The following SLC35D4 variants were observed in gnomAD, a reference collection of about 807,000 sequenced individuals.
The protein encoded by SLC35D4 is solute carrier family 35 member D4.
the SLC35D4 span, among the ~76,000 whole-genome samples, chr18:23,242,835 C>T: frequency 1.3e-5 from 2 of 152,070 alleles, no homozygotes; most frequent in Non-Finnish European, 2.9e-5. Flanking sequence ...AGAAAGCCCT[C>T]CCTCTACCCC....
chr18:23,243,820 C>T, the SLC35D4 span, among the ~76,000 whole-genome samples: 28 of 149,440 alleles, frequency 1.9e-4, no homozygotes, highest in African/African-American at 6.4e-4. Context: ...TGCAGTGAGC[C>T]GAGATCACGC....
the SLC35D4 span, among the ~76,000 whole-genome samples, chr18:23,290,495 T>G: frequency 1.3e-5 from 2 of 152,318 alleles, no homozygotes; most frequent in South Asian, 4.1e-4. Context: ...CCAGACTATA[T>G]GCTAAGTGGG....
At chr18:23,281,542 G>A in the SLC35D4 span, among the ~76,000 whole-genome samples, 3 of 151,880 alleles carry the variant, frequency 2.0e-5, no homozygotes, top group African/African-American at 7.3e-5. Flanking sequence ...TTACCCAGAC[G>A]CCTTGAACTC....
At chr18:23,287,040 C>T in the SLC35D4 span, among the ~76,000 whole-genome samples, 1 of 151,338 alleles carries the variant, frequency 6.6e-6, no homozygotes, top group South Asian at 2.1e-4. Flanking sequence ...CGCTCAATAC[C>T]AATATCCCAT....
At chr18:23,301,971 A>C in the SLC35D4 span, among the ~76,000 whole-genome samples, 2 of 152,276 alleles carry the variant, frequency 1.3e-5, no homozygotes, top group African/African-American at 2.4e-5. Flanking sequence ...TTTTAATTAA[A>C]GACTTTAAAA....
chr18:23,436,741 C>G, the SLC35D4 span, among the ~76,000 whole-genome samples: 1 of 151,950 alleles, frequency 6.6e-6, no homozygotes, highest in Non-Finnish European at 1.5e-5. Context: ...TGCAGTGAGC[C>G]GAGATCACGT....
At chr18:23,263,933 T>C in the SLC35D4 span, among the ~76,000 whole-genome samples, 2 of 152,334 alleles carry the variant, frequency 1.3e-5, no homozygotes, top group South Asian at 4.1e-4. Flanking sequence ...CCATAGTCCT[T>C]AACTGCTGCT....
At chr18:23,257,357 A>G in the SLC35D4 span, 3 of 1,608,680 alleles carry the variant, frequency 1.9e-6, no homozygotes, top group Non-Finnish European at 2.5e-6. Context: ...CGGCTGGTCC[A>G]GAGTTCCTAG....
At chr18:23,293,002 G>A in the SLC35D4 span, among the ~76,000 whole-genome samples, 1 of 152,188 alleles carries the variant, frequency 6.6e-6, no homozygotes, top group East Asian at 1.9e-4. Flanking sequence ...CACTTTGGGA[G>A]GCCGAGGTGG....
At chr18:23,305,664 A>G in the SLC35D4 span, among the ~76,000 whole-genome samples, 6 of 152,242 alleles carry the variant, frequency 3.9e-5, no homozygotes, top group African/African-American at 1.4e-4. Context: ...AGGTGTAGGA[A>G]CATTTCCTAA....
chr18:23,414,433 G>C, the SLC35D4 span, among the ~76,000 whole-genome samples: 1 of 151,620 alleles, frequency 6.6e-6, no homozygotes, highest in African/African-American at 2.4e-5. Context: ...AGCACTTTGG[G>C]AGGCCTAGGC....
chr18:23,257,609 C>A, the SLC35D4 span: 1 of 417,666 alleles, frequency 2.4e-6, no homozygotes, highest in Admixed American at 4.4e-5. Flanking sequence ...AACAGAGAGG[C>A]CCTGCCCTCT....
At chr18:23,276,562 A>G in the SLC35D4 span, among the ~76,000 whole-genome samples, 29,831 of 151,810 alleles carry the variant, frequency 0.2, 5,144 homozygotes, top group African/African-American at 0.45. Context: ...GACTGCTGCC[A>G]CCAGTGTTGT....
chr18:23,370,262 C>T, the SLC35D4 span: 1 of 1,613,120 alleles, frequency 6.2e-7, no homozygotes, highest in Non-Finnish European at 8.5e-7. Flanking sequence ...TTATAAGCCC[C>T]TGAAAATGAA....
the SLC35D4 span, among the ~76,000 whole-genome samples, chr18:23,276,248 C>T: frequency 2.2e-3 from 330 of 152,088 alleles, no homozygotes; most frequent in Non-Finnish European, 3.6e-3. Flanking sequence ...CCAAAACGTC[C>T]GGCTAATTTT....
the SLC35D4 span, among the ~76,000 whole-genome samples, chr18:23,242,833 C>T: frequency 6.6e-6 from 1 of 152,122 alleles, no homozygotes; most frequent in South Asian, 2.1e-4. Context: ...AGAGAAAGCC[C>T]TCCCTCTACC....
chr18:23,326,723 C>T, the SLC35D4 span, among the ~76,000 whole-genome samples: 1 of 152,218 alleles, frequency 6.6e-6, no homozygotes, highest in Non-Finnish European at 1.5e-5. Context: ...CTACAGAACT[C>T]TCCACCCCAA....
At chr18:23,374,611 G>T in the SLC35D4 span, among the ~76,000 whole-genome samples, 1 of 150,712 alleles carries the variant, frequency 6.6e-6, no homozygotes, top group Non-Finnish European at 1.5e-5. Flanking sequence ...TCAGCCTCCC[G>T]AGTAACTGTG....
At chr18:23,384,496 C>T in the SLC35D4 span, among the ~76,000 whole-genome samples, 6 of 152,284 alleles carry the variant, frequency 3.9e-5, no homozygotes, top group African/African-American at 1.2e-4. Flanking sequence ...CTGTGTTCTT[C>T]GAAAAAGTCT....
Sources: gnomAD v4.1 joint callset for allele counts (sites outside exome capture counted in the v4.1 genomes callset) on GRCh38, gnomAD v4.1.1 for gene constraint, MANE v1.5 for transcripts, NCBI Gene and HGNC (gene_info 2026-07-23, HGNC 2026-07-21) for gene names.